The following SPATA21 variants were observed in gnomAD, a reference collection of about 807,000 sequenced individuals.
SPATA21 encodes the protein spermatogenesis associated 21, also known as spermatogenesis-associated protein 21.
In SPATA21, 47 loss-of-function variants were observed where a neutral mutation model predicts 54.8. The observed-to-expected ratio is 0.86, with a 90% CI of 0.68 to 1.09. SPATA21 has a LOEUF of 1.09. Ranked by LOEUF, SPATA21 falls within the 50% of genes least tolerant of loss-of-function variation. The pLI is 0.00. For synonymous variants in SPATA21, 245 were observed against 235.3 expected, an observed-to-expected ratio of 1.04 and a Z score of -0.38; for missense variants, 599 against 596.4, an observed-to-expected ratio of 1.00 and a Z score of -0.05.
At chr1:16,433,509 G>T (rs1160638665) in intron 1 of SPATA21, among the ~76,000 whole-genome samples, 8 of 152,214 alleles carry the variant, frequency 5.3e-5, no homozygotes, top group African/African-American at 1.9e-4. Context: ...TGTCTCAGGG[G>T]TGGATGAACC....
chr1:16,400,926 C>T, intron 10 of SPATA21, 34 bp from the exon 11 acceptor site: 1 of 1,598,950 alleles, frequency 6.3e-7, no homozygotes, highest in East Asian at 2.2e-5. Flanking sequence ...CTCAGCCTGG[C>T]TGTGTTTAAT....
At chr1:16,403,342 C>T (rs922038966) in intron 10 of SPATA21, among the ~76,000 whole-genome samples, 21 of 152,136 alleles carry the variant, frequency 1.4e-4, no homozygotes, top group African/African-American at 3.6e-4. Context: ...AAAGCCAGTG[C>T]GCACAGACAT....
intron 3 of SPATA21, 108 bp from the exon 4 acceptor site, chr1:16,422,079 G>C: frequency 1.3e-6 from 2 of 1,591,086 alleles, no homozygotes; most frequent in Admixed American, 1.7e-5. Flanking sequence ...TGGGACACCT[G>C]CCTCCTTGGG....
chr1:16,398,603 T>G (rs1570068757), downstream of SPATA21: 1 of 735,616 alleles, frequency 1.4e-6, no homozygotes, highest in Admixed American at 2.4e-5. Context: ...GGTGGCTGGG[T>G]GACAACTTGA....
In SPATA21 at chr1:16,422,283, T is replaced by C. The variant is rs143300772; in HGVS notation, c.35-312A>G. The C allele has an allele frequency of 2.2e-4, 274 of 1,229,214 alleles. 2 individuals are homozygous for C. The highest frequency in any genetic ancestry group is 1.1e-3 in the South Asian group (60 of 56,792). 76.1% of individuals were successfully genotyped at this position (1,229,214 alleles called of 1,614,324 possible). A position where few individuals can be genotyped will look rare whatever the true frequency, so the allele number is the denominator to read the frequency against. ...CTCCAGGCGAACTGGAGACCAGTTATTACACACTTACTAGGGTCCCAGCAC... is the reference window on the plus strand; with the variant it reads ...CTCCAGGCGAACTGGAGACCAGTTACTACACACTTACTAGGGTCCCAGCAC... On this transcript the variant is annotated intron_variant, in intron 3 of 12. Transcript: ENST00000335496.
At chr1:16,432,368 C>T (rs531565912) in intron 2 of SPATA21, among the ~76,000 whole-genome samples, 225 of 152,124 alleles carry the variant, frequency 1.5e-3, no homozygotes, top group African/African-American at 5.0e-3. Flanking sequence ...GTGATCCGCC[C>T]GCCTCGGCCT....
chr1:16,402,606 G>C (rs867443600), intron 10 of SPATA21, among the ~76,000 whole-genome samples: 2 of 116,758 alleles, frequency 1.7e-5, no homozygotes, highest in Middle Eastern at 4.2e-3. Context: ...ACCAAGGCTG[G>C]AGTGCAGTGG....
At chr1:16,400,615 C>T (rs2085414202) in intron 11 of SPATA21, 105 bp downstream of exon 11, 3 of 1,502,552 alleles carry the variant, frequency 2.0e-6, no homozygotes, top group Non-Finnish European at 1.8e-6. Flanking sequence ...ACTGGCCTCT[C>T]AGCTCCCTTG....
intron 2 of SPATA21, among the ~76,000 whole-genome samples, chr1:16,432,547 C>T (rs1481054542): frequency 6.6e-6 from 1 of 152,126 alleles, no homozygotes; most frequent in African/African-American, 2.4e-5. Flanking sequence ...GTCCCACAGA[C>T]CCCAGCCTCT....
At position 16,409,009 on chromosome 1, in the gene SPATA21, G is replaced by A; in HGVS notation, c.673+109C>T. 4.3e-6 allele frequency: 5 copies of A among 1,165,120 alleles called. No homozygotes were observed. Among genetic ancestry groups the A allele is most frequent in the Non-Finnish European group, 6.3e-6 (5 of 799,330 alleles). The allele number at this position is 1,165,120 out of a possible 1,614,324, so 72.2% of individuals were successfully genotyped here. ...ACCCCTGCTGGGTCTGCTACACATG[G>A]CGGCAGCCATGTGATCTGGAAAGCA... On this transcript the variant is annotated intron_variant, in intron 7 of 12. Transcript: ENST00000335496. This position sits in a 1 kb window ranked among gnomAD's most constrained non-coding sequence, Gnocchi z 4.1.
At chr1:16,426,577 ATATTT>A (rs1244384158) in intron 3 of SPATA21, among the ~76,000 whole-genome samples, 4 of 111,152 alleles carry the variant, frequency 3.6e-5, no homozygotes, top group African/African-American at 1.6e-4. Context: ...ATATATATAT[ATATTT>A]TTTTTTTTTT....
chr1:16,417,860 C>T (rs766959274), intron 5 of SPATA21, among the ~76,000 whole-genome samples: 4 of 152,168 alleles, frequency 2.6e-5, no homozygotes, highest in South Asian at 2.1e-4. Flanking sequence ...GTGAGCCACT[C>T]ACTGCACCTG....
chr1:16,397,960 G>T, downstream of SPATA21: 1 of 634,670 alleles, frequency 1.6e-6, no homozygotes, highest in Non-Finnish European at 2.0e-6. This position sits in a 1 kb window ranked among gnomAD's most constrained non-coding sequence, Gnocchi z 5.4. Flanking sequence ...GATCCCAGGG[G>T]TGCACATGGG....
chr1:16,419,805 T>C (rs2086117897), intron 5 of SPATA21, among the ~76,000 whole-genome samples: 1 of 151,870 alleles, frequency 6.6e-6, no homozygotes, highest in South Asian at 2.1e-4. Context: ...CCGGGTGAGG[T>C]GGTGCTTGCC....
At chr1:16,412,626 C>G (rs1025245988) in intron 5 of SPATA21, among the ~76,000 whole-genome samples, 1 of 151,976 alleles carries the variant, frequency 6.6e-6, no homozygotes, top group Admixed American at 6.6e-5. Flanking sequence ...CCATGCCCGG[C>G]TAATTTTTGT....
intron 7 of SPATA21, 130 bp downstream of exon 7, chr1:16,408,988 C>G: frequency 1.1e-6 from 1 of 928,162 alleles, no homozygotes; most frequent in Non-Finnish European, 1.6e-6. Context: ...CAGAAAACCC[C>G]TGCTGGGTCT....
chr1:16,403,675 A>G, intron 10 of SPATA21, 52 bp downstream of exon 10: 2 of 1,509,450 alleles, frequency 1.3e-6, no homozygotes, highest in South Asian at 2.3e-5. Context: ...AAAATGCTAG[A>G]TGCCACCTCT....
At chr1:16,418,202 T>G (rs939873706) in intron 5 of SPATA21, among the ~76,000 whole-genome samples, 1 of 152,340 alleles carries the variant, frequency 6.6e-6, no homozygotes, top group East Asian at 1.9e-4. Flanking sequence ...ACGCTTTGCA[T>G]GGGGTAGGGA....
At chr1:16,404,881 G>C in intron 8 of SPATA21, 86 bp downstream of exon 8, 2 of 1,391,228 alleles carry the variant, frequency 1.4e-6, no homozygotes, top group Non-Finnish European at 1.9e-6. Context: ...GATCCTTTAG[G>C]TGCAGAGCCT....
Sources: gnomAD v4.1 joint callset for allele counts (sites outside exome capture counted in the v4.1 genomes callset) on GRCh38, gnomAD v4.1.1 for gene constraint, Gnocchi (gnomAD v3.1) non-coding constraint, MANE v1.5 for transcripts, NCBI Gene and HGNC (gene_info 2026-07-23, HGNC 2026-07-21) for gene names.